The following LINGO2 variants were observed in gnomAD, a reference collection of about 807,000 sequenced individuals.
LINGO2 encodes the protein leucine-rich repeat and immunoglobulin-like domain-containing nogo receptor-interacting protein 2.
Under a neutral mutation model 30.6 loss-of-function variants are expected in LINGO2, and 14 were observed. The ratio of observed to expected loss-of-function variants is 0.46; its 90% CI spans 0.30 to 0.72. The LOEUF (loss-of-function observed/expected upper bound fraction) is 0.72. Ranked by LOEUF, LINGO2 falls within the 30% of genes least tolerant of loss-of-function variation. The pLI, the probability that LINGO2 is intolerant of heterozygous loss-of-function variation, is 0.07. For synonymous variants in LINGO2, 317 were observed against 288.5 expected (o/e 1.10, Z -1.00); for missense variants, 729 against 751.7 (o/e 0.97, Z 0.35).
intron 4 of LINGO2, among the ~76,000 whole-genome samples, chr9:28,061,973 T>C (rs1033549598): frequency 1.3e-5 from 2 of 152,092 alleles, no homozygotes; most frequent in Non-Finnish European, 2.9e-5. Flanking sequence ...AATGATGAAA[T>C]ATATGTTTAG....
the LINGO2 span, among the ~76,000 whole-genome samples, chr9:29,183,421 C>T: frequency 2.0e-5 from 3 of 152,152 alleles, no homozygotes; most frequent in Admixed American, 6.5e-5. Context: ...CATTCCCCAG[C>T]ATCATTTGAT....
chr9:28,030,577 C>T (rs536793375), intron 4 of LINGO2, among the ~76,000 whole-genome samples: 1 of 152,284 alleles, frequency 6.6e-6, no homozygotes, highest in Non-Finnish European at 1.5e-5. Context: ...GTTGGCTACT[C>T]AATGCTTTAA....
At position 27,949,945 on chromosome 9, in the gene LINGO2, C is replaced by A. The variant is rs1447350493; in HGVS notation, c.727G>T (p.Ala243Ser). Residue 243 changes from alanine (A) to serine (S), a missense_variant, in exon 6 of 6, where the codon GCC (alanine) becomes TCC (serine). By Grantham distance (99) the Ala-to-Ser change is moderately conservative (BLOSUM62 1). Transcript: ENST00000379992. ...AGGTTGAGACCGTAGAGGCTATTGG[C>A]AGGCATCATATCCAGTAAAGGCCAA... The A allele has an allele frequency of 3.7e-6, 6 of 1,613,966 alleles. No homozygotes were observed. In the Admixed American group the frequency reaches 8.3e-5, roughly 22 times the overall value.
chr9:28,764,571 T>A, the LINGO2 span, among the ~76,000 whole-genome samples: 1 of 151,914 alleles, frequency 6.6e-6, no homozygotes, highest in African/African-American at 2.4e-5. Flanking sequence ...ACCTGAAAGC[T>A]TTTCCTCTAG....
chr9:28,700,814 G>A, the LINGO2 span, among the ~76,000 whole-genome samples: 2 of 152,050 alleles, frequency 1.3e-5, no homozygotes, highest in Non-Finnish European at 2.9e-5. Context: ...CCAGCATTTG[G>A]TGTTGTCACC....
At chr9:28,812,313 T>C in the LINGO2 span, among the ~76,000 whole-genome samples, 5 of 152,154 alleles carry the variant, frequency 3.3e-5, no homozygotes, top group African/African-American at 1.2e-4. Flanking sequence ...GAGAATTTCA[T>C]AGATATTGCC....
intron 1 of LINGO2, among the ~76,000 whole-genome samples, chr9:28,513,696 T>C (rs1820506166): frequency 3.3e-5 from 5 of 152,220 alleles, no homozygotes; most frequent in Admixed American, 3.3e-4. Context: ...AAAATTAACA[T>C]AGTAGTCTAT....
intron 4 of LINGO2, among the ~76,000 whole-genome samples, chr9:28,080,111 G>A (rs1597813): frequency 0.89 from 135,994 of 152,254 alleles, 61,127 homozygotes; most frequent in South Asian, 0.97. Flanking sequence ...TTATTTCCAA[G>A]GCTTTCTATC....
the LINGO2 span, among the ~76,000 whole-genome samples, chr9:29,056,937 G>A: frequency 6.6e-5 from 10 of 151,904 alleles, no homozygotes; most frequent in South Asian, 4.1e-4. Flanking sequence ...ATTCTGTTCC[G>A]TTGGTCTATG....
chr9:28,316,610 C>T (rs554156987), intron 3 of LINGO2, among the ~76,000 whole-genome samples: 4 of 152,064 alleles, frequency 2.6e-5, no homozygotes, highest in Non-Finnish European at 5.9e-5. Context: ...TAGGATGTGT[C>T]AAGCAAGTCC....
the LINGO2 span, among the ~76,000 whole-genome samples, chr9:29,167,031 T>TG: frequency 3.9e-5 from 6 of 152,248 alleles, no homozygotes; most frequent in African/African-American, 1.4e-4. Flanking sequence ...TAAAACTAAT[T>TG]GCTTGATTCC....
chr9:28,409,620 G>GGTGTGTGTGTGTGTGTGT (rs150611305), intron 2 of LINGO2, among the ~76,000 whole-genome samples: 1 of 146,210 alleles, frequency 6.8e-6, no homozygotes, highest in African/African-American at 2.5e-5. Context: ...GATGTGCAGG[G>GGTGTGTGTGTGTGTGTGT]GTGTGTGTGT....
chr9:28,956,116 G>A, the LINGO2 span, among the ~76,000 whole-genome samples: 1 of 152,114 alleles, frequency 6.6e-6, no homozygotes, highest in Non-Finnish European at 1.5e-5. Context: ...TTGTATAAAA[G>A]GAAGAGTGGG....
intron 4 of LINGO2, among the ~76,000 whole-genome samples, chr9:28,082,248 G>T (rs1825792729): frequency 6.6e-6 from 1 of 152,114 alleles, no homozygotes; most frequent in South Asian, 2.1e-4. Flanking sequence ...TGTCATCTTT[G>T]TTGATTTTGA....
At chr9:28,653,030 A>T (rs1374728227) in intron 1 of LINGO2, among the ~76,000 whole-genome samples, 2 of 152,178 alleles carry the variant, frequency 1.3e-5, no homozygotes, top group Admixed American at 6.6e-5. Context: ...GTTTATAATT[A>T]ACCTCAAAAT....
chr9:29,181,056 C>T, the LINGO2 span, among the ~76,000 whole-genome samples: 5 of 152,112 alleles, frequency 3.3e-5, no homozygotes, highest in African/African-American at 9.7e-5. Context: ...TTTGTATTCA[C>T]AGTGGGAAAG....
intron 3 of LINGO2, among the ~76,000 whole-genome samples, chr9:28,327,857 G>T (rs1350172219): frequency 6.6e-6 from 1 of 151,982 alleles, no homozygotes; most frequent in Non-Finnish European, 1.5e-5. Context: ...TAAACGTCTA[G>T]TGTAATGTGA....
rs536534416 is a variant in LINGO2, at chr9:28,104,545, T to C, written c.-86-92140A>G. The stretch of plus-strand genomic sequence containing the variant: ...TATAGAGCACACTAAGGACACTACC[T>C]CTAATGACCATTTTGTTTACATGTT... On this transcript the variant is annotated intron_variant, in intron 4 of 5. Transcript: ENST00000379992. 1.6e-4 allele frequency among the ~76,000 whole-genome samples: 24 copies of C among 151,994 alleles called. 1 individual carries two copies. Among genetic ancestry groups the C allele is most frequent in the Non-Finnish European group, 3.2e-4 (22 of 67,990 alleles).
exon 6 of LINGO2, chr9:27,948,782 T>G (rs1054829875): frequency 6.6e-6 from 10 of 1,506,100 alleles, no homozygotes; most frequent in Non-Finnish European, 4.5e-6. Flanking sequence ...AATCTAGTAA[T>G]TTACTGTGCC....
Sources: gnomAD v4.1 joint callset for allele counts (sites outside exome capture counted in the v4.1 genomes callset) on GRCh38, gnomAD v4.1.1 for gene constraint, MANE v1.5 for transcripts, NCBI Gene and HGNC (gene_info 2026-07-23, HGNC 2026-07-21) for gene names.